PRDM6: variants seen among roughly 807,000 people sequenced by gnomAD.
PRDM6 encodes the protein PR/SET domain 6.
A neutral mutation model predicts 60.8 loss-of-function variants in PRDM6; 25 were observed. The ratio of observed to expected loss-of-function variants is 0.41; its 90% CI spans 0.30 to 0.57. The LOEUF (loss-of-function observed/expected upper bound fraction) is 0.57, where lower values mean the gene tolerates loss of function less well. PRDM6 is among the 20% of genes least tolerant of loss of function. PRDM6 has a pLI of 0.27. For missense variants in PRDM6, 839 were observed against 821.3 expected (o/e 1.02, Z -0.26); for synonymous variants, 407 against 357.4 (o/e 1.14, Z -1.57).
chr5:123,169,493 A>G (rs1320843141), intron 5 of PRDM6, among the ~76,000 whole-genome samples: 2 of 152,198 alleles, frequency 1.3e-5, no homozygotes, highest in Admixed American at 6.5e-5. Flanking sequence ...TAGGCCCTGT[A>G]ATAAGTACTT....
At chr5:123,129,815 G>C (rs1764780599) in intron 3 of PRDM6, among the ~76,000 whole-genome samples, 1 of 152,178 alleles carries the variant, frequency 6.6e-6, no homozygotes, top group Admixed American at 6.5e-5. Context: ...AAAATATCTG[G>C]AGTATTAAGA....
At chr5:123,094,122 G>C (rs1294560563) in intron 2 of PRDM6, among the ~76,000 whole-genome samples, 2 of 152,136 alleles carry the variant, frequency 1.3e-5, no homozygotes, top group Non-Finnish European at 2.9e-5. Flanking sequence ...GAGGGGCTGG[G>C]GAGAGAAAAG....
At chr5:123,090,712 G>T in intron 2 of PRDM6, 106 bp downstream of exon 2, 1 of 597,246 alleles carries the variant, frequency 1.7e-6, no homozygotes, top group Non-Finnish European at 2.7e-6. Context: ...ACACGGGGCC[G>T]GGTGGGTGGG....
chr5:123,134,637 C>T (rs1005045740), intron 3 of PRDM6, among the ~76,000 whole-genome samples: 2 of 152,040 alleles, frequency 1.3e-5, no homozygotes, highest in South Asian at 4.1e-4. Flanking sequence ...ATGTGTCTGT[C>T]ATAAAATGGT....
intron 3 of PRDM6, among the ~76,000 whole-genome samples, chr5:123,114,864 G>A (rs1764398248): frequency 6.6e-6 from 1 of 152,208 alleles, no homozygotes; most frequent in African/African-American, 2.4e-5. Context: ...AGTAGCATGA[G>A]CTGACTTATG....
At chr5:123,137,969 C>G (rs892601851) in intron 3 of PRDM6, among the ~76,000 whole-genome samples, 4 of 151,994 alleles carry the variant, frequency 2.6e-5, no homozygotes, top group African/African-American at 7.3e-5. Context: ...TATAAAGATA[C>G]AGCAAAAACC....
At chr5:123,167,158 C>G (rs1204391884) in intron 5 of PRDM6, among the ~76,000 whole-genome samples, 1 of 152,132 alleles carries the variant, frequency 6.6e-6, no homozygotes, top group Non-Finnish European at 1.5e-5. Flanking sequence ...GAGTCTTACT[C>G]TGTCACCCAG....
In PRDM6 at chr5:123,090,504, C is replaced by T; in HGVS notation, c.490C>T (p.Pro164Ser). 2 of 1,490,272 alleles carry T rather than the reference C, an allele frequency of 1.3e-6. No homozygotes were observed. The highest frequency in any genetic ancestry group is 1.8e-6 in the Non-Finnish European group (2 of 1,128,774). The allele number at this position is 1,490,272 out of a possible 1,614,324, so 92.3% of individuals were successfully genotyped here. A position where few individuals can be genotyped will look rare whatever the true frequency, so the allele number is the denominator to read the frequency against. Residue 164 changes from proline to serine, a missense_variant, in exon 2 of 8, where the codon CCG (proline) becomes TCG (serine). By Grantham distance (74) the Pro-to-Ser change is moderately conservative (BLOSUM62 -1). Coordinates refer to ENST00000407847, the MANE Select transcript of PRDM6 (RefSeq NM_001136239.4). ...CGGCGGCGGGGAGGGTCGCGGCGCC[C>T]CGCGCTTCCGCTGCAGCGCAGAGGA... ...GGGGGEGRGA[P>S]RFRCSAEELD...
intron 3 of PRDM6, among the ~76,000 whole-genome samples, chr5:123,153,401 G>A (rs335140): frequency 0.41 from 61,546 of 151,902 alleles, 12,640 homozygotes; most frequent in East Asian, 0.62. Flanking sequence ...TTTGATGATG[G>A]CTAGGCTCTG....
chr5:123,152,714 C>A (rs1765397673), intron 3 of PRDM6, among the ~76,000 whole-genome samples: 1 of 152,202 alleles, frequency 6.6e-6, no homozygotes, highest in African/African-American at 2.4e-5. Flanking sequence ...TTGTAACGTG[C>A]AACCCTGGTG....
intron 7 of PRDM6, among the ~76,000 whole-genome samples, chr5:123,185,301 T>C (rs1387823185): frequency 6.6e-6 from 1 of 152,140 alleles, no homozygotes; most frequent in Non-Finnish European, 1.5e-5. Flanking sequence ...AAATTGATTC[T>C]AGAGCTTCAA....
chr5:123,138,878 A>T (rs1765032760), intron 3 of PRDM6, among the ~76,000 whole-genome samples: 1 of 152,112 alleles, frequency 6.6e-6, no homozygotes, highest in Non-Finnish European at 1.5e-5. Flanking sequence ...AAAGTACATG[A>T]TATGGTTTTG....
rs1393982289 is a variant in PRDM6 at position 123,099,321 on chromosome 5, A to C, written c.593-333A>C. ...GACAGAGACAGAGGGAGAGATGCAG[A>C]GAGACTGAAACGGGAGGAAGAAGCC... On this transcript the variant is annotated intron_variant, in intron 2 of 7. Transcript: ENST00000407847. This position sits in a 1 kb window ranked among gnomAD's most constrained non-coding sequence, Gnocchi z 4.0. 6.6e-6 allele frequency among the ~76,000 whole-genome samples: 1 copy of C among 152,198 alleles called. No homozygotes were observed. The highest frequency in any genetic ancestry group is 1.5e-5 in the Non-Finnish European group (1 of 68,032).
At chr5:123,125,471 GT>G (rs943568941) in intron 3 of PRDM6, among the ~76,000 whole-genome samples, 8 of 152,220 alleles carry the variant, frequency 5.3e-5, no homozygotes, top group Non-Finnish European at 1.0e-4. Context: ...GCGTAGCACA[GT>G]TTATTTATGC....
chr5:123,128,531 A>C (rs1475427517), intron 3 of PRDM6, among the ~76,000 whole-genome samples: 3 of 152,008 alleles, frequency 2.0e-5, no homozygotes, highest in African/African-American at 7.2e-5. Flanking sequence ...GATGATGAGG[A>C]TTTTTTCATG....
intron 3 of PRDM6, among the ~76,000 whole-genome samples, chr5:123,100,831 A>G (rs1019321023): frequency 2.6e-5 from 4 of 152,246 alleles, no homozygotes; most frequent in African/African-American, 9.6e-5. Context: ...ATAGATGCCT[A>G]TCATTAGGTC....
intron 3 of PRDM6, among the ~76,000 whole-genome samples, chr5:123,112,611 T>C (rs761044702): frequency 3.9e-5 from 6 of 152,250 alleles, no homozygotes; most frequent in East Asian, 1.9e-4. Context: ...TTAAATCTTA[T>C]ATCCTTAGTT....
At chr5:123,106,005 G>A (rs1764191105) in intron 3 of PRDM6, among the ~76,000 whole-genome samples, 1 of 152,194 alleles carries the variant, frequency 6.6e-6, no homozygotes, top group Non-Finnish European at 1.5e-5. Context: ...AAGGGCAGGA[G>A]GTCGAGCAAT....
At position 123,190,397 on chromosome 5, in the gene PRDM6, A is replaced by G. The variant is rs1221890244; in HGVS notation, c.*3196A>G. On this transcript the variant is annotated 3_prime_UTR_variant, in exon 8 of 8. Coordinates refer to ENST00000407847, the MANE Select transcript of PRDM6 (RefSeq NM_001136239.4). ...ATATGTGCATACATTTTTCATAGAT[A>G]AGCTTTTCATTTTTGTTTTGTTTTT... The G allele has an allele frequency of 2.6e-5, 4 of 152,204 alleles. No homozygotes were observed. The highest frequency in any genetic ancestry group is 1.3e-4 in the Admixed American group (2 of 15,272). The allele number at this position is 152,204 out of a possible 1,614,324, so 9.4% of individuals were successfully genotyped here.
Sources: allele counts gnomAD v4.1 joint callset (sites outside exome capture counted in the v4.1 genomes callset), GRCh38; gene constraint gnomAD v4.1.1; non-coding constraint Gnocchi (gnomAD v3.1); transcripts MANE v1.5; gene names NCBI Gene and HGNC (gene_info 2026-07-23, HGNC 2026-07-21).